Variants in IL12RB2 observed in about 807,000 individuals in gnomAD.
The protein encoded by IL12RB2 is interleukin 12 receptor subunit beta 2.
A neutral mutation model predicts 89.4 loss-of-function variants in IL12RB2; 82 were observed. The observed-to-expected ratio is 0.92, with a 90% CI of 0.77 to 1.10. The LOEUF (loss-of-function observed/expected upper bound fraction) is 1.10, where lower values mean the gene tolerates loss of function less well. Ranked by LOEUF, IL12RB2 falls within the 50% of genes least tolerant of loss-of-function variation. The probability of loss-of-function intolerance (pLI) is 0.00; values close to 1 mark genes in which losing one functional copy is unlikely to be tolerated. For synonymous variants in IL12RB2, 368 were observed against 370.1 expected (o/e 0.99, Z 0.07); for missense variants, 963 against 1,031.9 (o/e 0.93, Z 0.92).
intron 15 of IL12RB2, among the ~76,000 whole-genome samples, chr1:67,389,814 T>G (rs1244406055): frequency 6.6e-6 from 1 of 152,192 alleles, no homozygotes; most frequent in Non-Finnish European, 1.5e-5. Flanking sequence ...TGATCAAAAG[T>G]TCCATGGTTT....
chr1:67,389,444 T>C (rs934469013), intron 15 of IL12RB2, among the ~76,000 whole-genome samples: 1 of 152,238 alleles, frequency 6.6e-6, no homozygotes, highest in African/African-American at 2.4e-5. Context: ...AAGAAATGTT[T>C]TTAGGATTTT....
chr1:67,365,995 A>C (rs990012184), intron 10 of IL12RB2, among the ~76,000 whole-genome samples: 10 of 152,316 alleles, frequency 6.6e-5, no homozygotes, highest in African/African-American at 2.4e-4. Flanking sequence ...ACTGTTGAAA[A>C]CTGTTATGTT....
At position 67,350,853 on chromosome 1, in the gene IL12RB2, A is replaced by T; in HGVS notation, c.1039-17A>T. 6.2e-7 allele frequency: 1 copy of T among 1,613,692 alleles called. No homozygotes were observed. The highest frequency in any genetic ancestry group is 8.5e-7 in the Non-Finnish European group (1 of 1,179,816). On this transcript the variant is annotated splice_polypyrimidine_tract_variant and intron_variant, in intron 9 of 16. Transcript: ENST00000674203. ...CTTGTCTGGGAGTAAATAGTGAATA[A>T]ATGTGTCTTGTTGCAGAATCTGAGT... is the stretch of plus-strand genomic sequence containing the variant.
At chr1:67,310,184 CAAAAA>C (rs890229904) in intron 1 of IL12RB2, among the ~76,000 whole-genome samples, 1 of 36,750 alleles carries the variant, frequency 2.7e-5, no homozygotes, top group Non-Finnish European at 6.4e-5. Context: ...AACTTCATCT[CAAAAA>C]AAAAAAAAAA....
chr1:67,310,027 T>C (rs1418986964), intron 1 of IL12RB2, among the ~76,000 whole-genome samples: 1 of 151,706 alleles, frequency 6.6e-6, no homozygotes, highest in Non-Finnish European at 1.5e-5. Flanking sequence ...ACACAAAAAT[T>C]AGCGGGGCAT....
At position 67,396,310 on chromosome 1, in the gene IL12RB2, C is replaced by G; in HGVS notation, c.*221C>G. ...CTTTCCCAGGGCCTTAAAATTACAT[C>G]CTTCACTGTGTGGACCTAGAGACTC... On this transcript the variant is annotated 3_prime_UTR_variant, in exon 17 of 17. Coordinates refer to ENST00000674203, the MANE Select transcript of IL12RB2 (RefSeq NM_001374259.2). 1 of 618,590 alleles carries G rather than the reference C, an allele frequency of 1.6e-6. No homozygotes were observed. Among genetic ancestry groups the G allele is most frequent in the Non-Finnish European group, 2.9e-6 (1 of 344,772 alleles). The allele number at this position is 618,590 out of a possible 1,614,324, so 38.3% of individuals were successfully genotyped here.
At chr1:67,392,619 A>G (rs1176460069) in intron 16 of IL12RB2, among the ~76,000 whole-genome samples, 4 of 136,312 alleles carry the variant, frequency 2.9e-5, no homozygotes, top group African/African-American at 1.1e-4. Flanking sequence ...GAACTTTTAG[A>G]TATCTTTTTT....
intron 11 of IL12RB2, among the ~76,000 whole-genome samples, chr1:67,370,910 C>T (rs950440357): frequency 6.6e-6 from 1 of 152,214 alleles, no homozygotes; most frequent in Non-Finnish European, 1.5e-5. Context: ...TAAACCACAA[C>T]TTCTAATGCA....
At chr1:67,386,489 G>A in intron 14 of IL12RB2, 90 bp from the exon 15 acceptor site, 1 of 883,526 alleles carries the variant, frequency 1.1e-6, no homozygotes, top group Non-Finnish European at 1.9e-6. Flanking sequence ...GGAACTGTGG[G>A]TAAGGCCCAG....
intron 14 of IL12RB2, among the ~76,000 whole-genome samples, chr1:67,381,779 A>G (rs1278163286): frequency 8.7e-6 from 1 of 114,960 alleles, no homozygotes; most frequent in South Asian, 3.2e-4. Flanking sequence ...AAAAAAAAAA[A>G]AAAAAAGAAA....
chr1:67,376,495 G>A (rs116508444), intron 13 of IL12RB2, among the ~76,000 whole-genome samples: 1 of 152,120 alleles, frequency 6.6e-6, no homozygotes, highest in African/African-American at 2.4e-5. Flanking sequence ...CACCCTGAGT[G>A]TAAGTTTTCA....
At chr1:67,356,851 C>T (rs1472763735) in intron 10 of IL12RB2, among the ~76,000 whole-genome samples, 1 of 152,112 alleles carries the variant, frequency 6.6e-6, no homozygotes, top group East Asian at 1.9e-4. Flanking sequence ...GAATGACAGG[C>T]AACAAATCAG....
At chr1:67,344,274 C>T (rs2100794099) in intron 9 of IL12RB2, among the ~76,000 whole-genome samples, 1 of 152,254 alleles carries the variant, frequency 6.6e-6, no homozygotes, top group Admixed American at 6.5e-5. Context: ...TAAAAAGAAA[C>T]AGGTGAAATT....
intron 14 of IL12RB2, among the ~76,000 whole-genome samples, chr1:67,380,962 G>A (rs1366527448): frequency 3.9e-5 from 6 of 152,156 alleles, no homozygotes; most frequent in Non-Finnish European, 2.9e-5. Context: ...GTCACATTCT[G>A]AGGCTGGGGG....
intron 9 of IL12RB2, among the ~76,000 whole-genome samples, chr1:67,346,591 G>A (rs1660267684): frequency 6.6e-6 from 1 of 151,902 alleles, no homozygotes; most frequent in Non-Finnish European, 1.5e-5. Context: ...TCACCATGTT[G>A]GCTGAGCTGG....
intron 15 of IL12RB2, among the ~76,000 whole-genome samples, chr1:67,386,922 T>C (rs1221131515): frequency 1.5e-5 from 2 of 129,264 alleles, no homozygotes; most frequent in Non-Finnish European, 3.3e-5. Context: ...ATATATTCTT[T>C]TTTTCCCCCA....
rs1409421640 is a variant in IL12RB2, at chr1:67,350,903, C to T, written c.1072C>T (p.Leu358Phe). ...LSVSEARGKI[L>F]HYQVTLQELT... ...TGTCTCAGAGGCAAGAGGAAAAATT[C>T]TCCACTATCAGGTGACCTTGCAGGA... Residue 358 changes from leucine to phenylalanine, a missense_variant, in exon 10 of 17, where the codon CTC (leucine) becomes TTC (phenylalanine). Coordinates refer to ENST00000674203, the MANE Select transcript of IL12RB2 (RefSeq NM_001374259.2). 1.2e-6 allele frequency: 2 copies of T among 1,613,952 alleles called. No individual in the cohort carries two copies. The highest frequency in any genetic ancestry group is 2.2e-5 in the East Asian group (1 of 44,892).
chr1:67,395,160 C>T (rs999068518), intron 16 of IL12RB2, among the ~76,000 whole-genome samples: 3 of 151,776 alleles, frequency 2.0e-5, no homozygotes, highest in African/African-American at 4.8e-5. Flanking sequence ...CCCAGCCACT[C>T]GGGAGGCTGA....
chr1:67,379,239 A>G (rs1329924818), intron 13 of IL12RB2, among the ~76,000 whole-genome samples: 1 of 150,750 alleles, frequency 6.6e-6, no homozygotes, highest in Non-Finnish European at 1.5e-5. Flanking sequence ...GGCCGGACGC[A>G]GTGACTCACA....
Sources: allele counts gnomAD v4.1 joint callset (sites outside exome capture counted in the v4.1 genomes callset), GRCh38; gene constraint gnomAD v4.1.1; transcripts MANE v1.5; gene names NCBI Gene and HGNC (gene_info 2026-07-23, HGNC 2026-07-21).